TFCP2L1: variants seen among roughly 807,000 people sequenced by gnomAD.
TFCP2L1 encodes the protein transcription factor CP2-like protein 1.
TFCP2L1 carries 12 observed loss-of-function variants against 72.2 expected under a neutral mutation model. The ratio of observed to expected loss-of-function variants is 0.17; its 90% confidence interval spans 0.11 to 0.27. The LOEUF is 0.27. Among genes scored for constraint, TFCP2L1 ranks in the 10% least tolerant of loss-of-function variants. The pLI, the probability that TFCP2L1 is intolerant of heterozygous loss-of-function variation, is 1.00. For synonymous variants in TFCP2L1, 260 were observed against 251.0 expected (o/e 1.04, Z -0.34); for missense variants, 488 against 624.6 (o/e 0.78, Z 2.33).
At chr2:121,267,266 G>C (rs895264652) in intron 2 of TFCP2L1, among the ~76,000 whole-genome samples, 1 of 152,098 alleles carries the variant, frequency 6.6e-6, no homozygotes, top group Non-Finnish European at 1.5e-5. Context: ...TGCCCAGGCT[G>C]CTCTTGAACT....
chr2:121,224,343 A>G lies in TFCP2L1; in HGVS notation c.1438T>C (p.Ter480ArgextTer20). The change falls in exon 15 of 15, where the codon TGA (stop) becomes CGA (arginine). Residue 480 changes from the stop codon to arginine, a stop_lost. Transcript: ENST00000263707. ...ACAGGTATGAGGTCCACTGCTGCTC[A>G]GAGTCCACATTTCAGGATGATGTGG... The part of the protein sequence containing the change: ...GYHIILKCGL[*>R] 6.2e-7 allele frequency: 1 copy of G among 1,614,058 alleles called. No individual in the cohort carries two copies. Among genetic ancestry groups the G allele is most frequent in the Non-Finnish European group, 8.5e-7 (1 of 1,180,024 alleles).
At chr2:121,259,169 G>A (rs1028240982) in intron 2 of TFCP2L1, among the ~76,000 whole-genome samples, 5 of 152,118 alleles carry the variant, frequency 3.3e-5, no homozygotes, top group African/African-American at 1.2e-4. Context: ...GGTAATCCCA[G>A]CTACTTGGGA....
At chr2:121,224,982 C>CAAA (rs34800606) in intron 14 of TFCP2L1, among the ~76,000 whole-genome samples, 1 of 110,892 alleles carries the variant, frequency 9.0e-6, no homozygotes, top group African/African-American at 3.3e-5. Context: ...AAGACTCCAT[C>CAAA]AAAAAAAAAA....
intron 1 of TFCP2L1, among the ~76,000 whole-genome samples, chr2:121,282,519 A>G (rs1287298724): frequency 3.7e-5 from 5 of 136,926 alleles, no homozygotes; most frequent in Non-Finnish European, 7.9e-5. Context: ...CACCATCTCT[A>G]AAAAAAAAAA....
At chr2:121,240,231 T>A in intron 7 of TFCP2L1, 1 of 984,956 alleles carries the variant, frequency 1.0e-6, no homozygotes, top group Non-Finnish European at 1.2e-6. Context: ...CTAAGGGAGA[T>A]CCACAAACAT....
rs1471709930 is a variant in TFCP2L1 at position 121,248,369 on chromosome 2, T to C, written c.398-99A>G. On this transcript the variant is annotated intron_variant, in intron 4 of 14. Transcript: ENST00000263707. ...ACAGGTCCCAATTCCTTCGCCCCAA[T>C]TTGCAATGCCAAAAGCTCTGAAAAA... The C allele has an allele frequency of 4.3e-6, 4 of 929,474 alleles. No individual in the cohort carries two copies. In the African/African-American group the frequency reaches 5.1e-5, roughly 12 times the overall value. The allele number at this position is 929,474 out of a possible 1,614,324, so 57.6% of individuals were successfully genotyped here. A position where few individuals can be genotyped will look rare whatever the true frequency, so the allele number is the denominator to read the frequency against.
At chr2:121,280,618 G>A (rs914964833) in intron 2 of TFCP2L1, among the ~76,000 whole-genome samples, 9 of 151,922 alleles carry the variant, frequency 5.9e-5, no homozygotes, top group South Asian at 2.1e-4. Flanking sequence ...AAAATTAGCC[G>A]GGCATGGCGG....
Position 121,224,086 on chromosome 2 carries a change from A to G in TFCP2L1, c.*255T>C, listed in dbSNP as rs1416319831. On this transcript the variant is annotated 3_prime_UTR_variant, in exon 15 of 15. Coordinates refer to ENST00000263707, the MANE Select transcript of TFCP2L1 (RefSeq NM_014553.3). ...CCTTTTAGAACGTCAGGGTTGGACCAATAGAAAAGAACAAGGAACCATTCA... is the reference window on the plus strand; with the variant it reads ...CCTTTTAGAACGTCAGGGTTGGACCGATAGAAAAGAACAAGGAACCATTCA... 1 of 563,570 alleles carries G rather than the reference A, an allele frequency of 1.8e-6. No individual in the cohort carries two copies. The allele number at this position is 563,570 out of a possible 1,614,324, so 34.9% of individuals were successfully genotyped here.
chr2:121,272,117 CCCTTCCAGAA>C (rs1558745108), intron 2 of TFCP2L1, among the ~76,000 whole-genome samples: 1 of 152,136 alleles, frequency 6.6e-6, no homozygotes, highest in Non-Finnish European at 1.5e-5. Flanking sequence ...AGGGTGCTTC[CCCTTCCAGAA>C]CTCCCTTTAT....
chr2:121,267,061 G>A (rs1031573155), intron 2 of TFCP2L1, among the ~76,000 whole-genome samples: 1 of 151,874 alleles, frequency 6.6e-6, no homozygotes, highest in Non-Finnish European at 1.5e-5. Flanking sequence ...TGGGACTACA[G>A]TGCCTGCCAC....
rs528587490 is a variant in TFCP2L1, at chr2:121,249,487, G to A, written c.291+84C>T. The A allele has an allele frequency of 4.2e-5, 56 of 1,333,476 alleles. No individual in the cohort carries two copies. In the Admixed American group the frequency reaches 4.5e-4, roughly 11 times the overall value. 82.6% of individuals were successfully genotyped at this position (1,333,476 alleles called of 1,614,324 possible). ...CCTCTCCCTAACCTTCCAGCTACCCGTGCCCAACCCCAGCAAGCCCAGGTG... is the reference window on the plus strand; with the variant it reads ...CCTCTCCCTAACCTTCCAGCTACCCATGCCCAACCCCAGCAAGCCCAGGTG... On this transcript the variant is annotated intron_variant, in intron 3 of 14. Transcript: ENST00000263707.
At chr2:121,268,886 A>G (rs899864624) in intron 2 of TFCP2L1, among the ~76,000 whole-genome samples, 4 of 151,354 alleles carry the variant, frequency 2.6e-5, no homozygotes, top group African/African-American at 7.3e-5. Context: ...TTATTCCACT[A>G]TATCAAGTTT....
intron 13 of TFCP2L1, among the ~76,000 whole-genome samples, chr2:121,228,858 A>C (rs1686085727): frequency 6.6e-6 from 1 of 151,860 alleles, no homozygotes; most frequent in Non-Finnish European, 1.5e-5. Flanking sequence ...CTGGTGACAA[A>C]AATAGCAAGT....
intron 5 of TFCP2L1, among the ~76,000 whole-genome samples, 155 bp downstream of exon 5, chr2:121,248,009 G>A (rs57360359): frequency 0.011 from 1,709 of 152,240 alleles, 46 homozygotes; most frequent in African/African-American, 0.039. Context: ...GTGACTCTTT[G>A]CAACACTCAT....
chr2:121,242,302 G>T, intron 7 of TFCP2L1, 57 bp downstream of exon 7: 1 of 1,468,106 alleles, frequency 6.8e-7, no homozygotes, highest in Non-Finnish European at 9.5e-7. Context: ...TAAACCAGCA[G>T]CCCTGCTCCT....
intron 2 of TFCP2L1, among the ~76,000 whole-genome samples, chr2:121,266,761 G>T (rs573723427): frequency 1.1e-4 from 16 of 152,162 alleles, no homozygotes; most frequent in African/African-American, 3.9e-4. Context: ...GACTCACCAG[G>T]GCTTCCAATG....
chr2:121,247,091 A>C, intron 5 of TFCP2L1, 121 bp from the exon 6 acceptor site: 1 of 1,184,314 alleles, frequency 8.4e-7, no homozygotes, highest in Non-Finnish European at 1.2e-6. Context: ...GCCTGCCTCG[A>C]CCTCCCTGCT....
chr2:121,230,762 CACA>C (rs372793956), intron 13 of TFCP2L1, among the ~76,000 whole-genome samples: 3,006 of 151,904 alleles, frequency 0.02, 116 homozygotes, highest in African/African-American at 0.067. Context: ...GATCTTGTCT[CACA>C]ACAACAACAA....
intron 7 of TFCP2L1, chr2:121,240,729 T>G: frequency 1.0e-6 from 1 of 985,360 alleles, no homozygotes; most frequent in Non-Finnish European, 1.2e-6. Flanking sequence ...GGGAACACTC[T>G]GGGCAGTGGC....
Sources: gnomAD v4.1 joint callset for allele counts (sites outside exome capture counted in the v4.1 genomes callset) on GRCh38, gnomAD v4.1.1 for gene constraint, MANE v1.5 for transcripts, NCBI Gene and HGNC (gene_info 2026-07-23, HGNC 2026-07-21) for gene names.